Variants in OR5AU1 observed in about 807,000 individuals in gnomAD.
OR5AU1 encodes the protein olfactory receptor 5AU1.
For synonymous variants in OR5AU1, 169 were observed against 152.0 expected, an observed-to-expected ratio of 1.11 and a Z score of -0.82; for missense variants, 415 against 374.2, an observed-to-expected ratio of 1.11 and a Z score of -0.90.
chr14:21,155,171 C>T lies in OR5AU1; in HGVS notation c.702G>A (p.Arg234=). Residue 234 remains arginine (R), a synonymous_variant, in exon 1 of 1, where the codon AGG becomes AGA. Transcript: ENST00000304418. ...TILKMSSAQG[R]FKAFSTCASH... ...ATGCACAGGTGGAAAATGCCTTAAA[C>T]CTGCCCTGGGCCGAGCTCATTTTCA... 6.2e-7 allele frequency: 1 copy of T among 1,614,104 alleles called. No homozygotes were observed. The highest frequency in any genetic ancestry group is 8.5e-7 in the Non-Finnish European group (1 of 1,180,006).
Position 21,156,047 on chromosome 14 carries a change from G to T in OR5AU1, c.-175C>A, listed in dbSNP as rs1300277057. 2 of 1,590,670 alleles carry T rather than the reference G, an allele frequency of 1.3e-6. No homozygotes were observed. ...TCATAGAGAGGATCTTTTCTCCTTGGTTGGTTGGTTAGTTGGTAAGCATTA... is the reference window on the plus strand; with the variant it reads ...TCATAGAGAGGATCTTTTCTCCTTGTTTGGTTGGTTAGTTGGTAAGCATTA... On this transcript the variant is annotated 5_prime_UTR_variant, in exon 1 of 1. Coordinates refer to ENST00000304418, the MANE Select transcript of OR5AU1 (RefSeq NM_001004731.3).
In OR5AU1 at chr14:21,155,608, T is replaced by C. The variant is rs1890564165; in HGVS notation, c.265A>G (p.Arg89Gly). The change falls in exon 1 of 1, where the codon AGG becomes GGG. Residue 89 changes from arginine to glycine, a missense_variant. Physicochemically the swap from Arg to Gly is moderately radical, Grantham distance 125. Coordinates refer to ENST00000304418, the MANE Select transcript of OR5AU1 (RefSeq NM_001004731.3). ...CAGCCAAAATAAGAGATCACTTTCCTCTTGGCCAAGAAGTTCACCAGGGTC... is the reference window on the plus strand; with the variant it reads ...CAGCCAAAATAAGAGATCACTTTCCCCTTGGCCAAGAAGTTCACCAGGGTC... ...PQTLVNFLAK[R>G]KVISYFGCMT... The C allele has an allele frequency of 6.2e-7, 1 of 1,614,174 alleles. No homozygotes were observed. Among genetic ancestry groups the C allele is most frequent in the South Asian group, 1.1e-5 (1 of 91,080 alleles).
rs1890575225 is a variant in OR5AU1, at chr14:21,156,012, T to G, written c.-140A>C. ...TATTGAGGGCATTTGGCTTTGCAGA[T>G]GAAACTCTGTCATAGAGAGGATCTT... On this transcript the variant is annotated 5_prime_UTR_variant, in exon 1 of 1. Coordinates refer to ENST00000304418, the MANE Select transcript of OR5AU1 (RefSeq NM_001004731.3). The G allele has an allele frequency of 6.2e-7, 1 of 1,613,438 alleles. No individual in the cohort carries two copies. Among genetic ancestry groups the G allele is most frequent in the East Asian group, 2.2e-5 (1 of 44,854 alleles).
rs45468597 is a variant in OR5AU1, at chr14:21,154,894, G to C, written c.*43C>G. The C allele has an allele frequency of 6.4e-7, 1 of 1,563,838 alleles. No individual in the cohort carries two copies. Among genetic ancestry groups the C allele is most frequent in the Non-Finnish European group, 8.7e-7 (1 of 1,150,054 alleles). ...CAGGGTGACACCACCTAAGGTAAAA[G>C]TTCCCTTGACTTTCTAAAGATATGT... is the stretch of plus-strand genomic sequence containing the variant. On this transcript the variant is annotated 3_prime_UTR_variant, in exon 1 of 1. Transcript: ENST00000304418.
In OR5AU1 at chr14:21,156,051, G is replaced by A; in HGVS notation, c.-179C>T. ...AGAGAGGATCTTTTCTCCTTGGTTG[G>A]TTGGTTAGTTGGTAAGCATTACTTA... On this transcript the variant is annotated 5_prime_UTR_variant, in exon 1 of 1. Transcript: ENST00000304418. 1 of 1,587,158 alleles carries A rather than the reference G, an allele frequency of 6.3e-7. No homozygotes were observed. Among genetic ancestry groups the A allele is most frequent in the Non-Finnish European group, 8.6e-7 (1 of 1,163,982 alleles).
Position 21,155,555 on chromosome 14 carries a change from A to G in OR5AU1, c.318T>C (p.Gly106=), listed in dbSNP as rs762171904. 2.9e-5 allele frequency: 47 copies of G among 1,613,976 alleles called. No individual in the cohort carries two copies. The highest frequency in any genetic ancestry group is 4.0e-5 in the Non-Finnish European group (47 of 1,180,026). The change falls in exon 1 of 1, where the codon GGT becomes GGC. Residue 106 remains glycine, a synonymous_variant. Coordinates refer to ENST00000304418, the MANE Select transcript of OR5AU1 (RefSeq NM_001004731.3). ...GCMTQMFFYA[G]FATSECYLIA... is the part of the protein sequence containing the mutation. ...TGAGATAGCACTCACTGGTGGCAAAACCCGCATAGAAGAACATCTGAGTCA... is the reference window on the plus strand; with the variant it reads ...TGAGATAGCACTCACTGGTGGCAAAGCCCGCATAGAAGAACATCTGAGTCA...
Position 21,155,256 on chromosome 14 carries a change from T to C in OR5AU1, c.617A>G (p.Asn206Ser), listed in dbSNP as rs774122633. The C allele has an allele frequency of 6.2e-6, 10 of 1,613,818 alleles. No homozygotes were observed. Among genetic ancestry groups the C allele is most frequent in the Admixed American group, 1.7e-5 (1 of 59,964 alleles). Residue 206 changes from asparagine (N) to serine (S), a missense_variant, in exon 1 of 1, where the codon AAC becomes AGC. Physicochemically the swap from Asn to Ser is conservative, Grantham distance 46. Coordinates refer to ENST00000304418, the MANE Select transcript of OR5AU1 (RefSeq NM_001004731.3). ...EILLFIFAGF[N>S]LLSCTLTILI... ...GATGGTGAGGGTGCAGCTCAAAAGG[T>C]TGAAACCAGCAAAAATGAAGAGCAG...
rs142653613 is a variant in OR5AU1 at position 21,155,539 on chromosome 14, A to G, written c.334T>C (p.Cys112Arg). The G allele has an allele frequency of 5.0e-6, 8 of 1,614,178 alleles. No individual in the cohort carries two copies. In the East Asian group the frequency reaches 6.7e-5, roughly 13 times the overall value. The part of the protein sequence containing the change: ...FFYAGFATSE[C>R]YLIAAMAYDR... ...TAGGCCATGGCAGCGATGAGATAGC[A>G]CTCACTGGTGGCAAAACCCGCATAG... Residue 112 changes from cysteine (C) to arginine (R), a missense_variant, in exon 1 of 1, where the codon TGC (cysteine) becomes CGC (arginine). Coordinates refer to ENST00000304418, the MANE Select transcript of OR5AU1 (RefSeq NM_001004731.3).
In OR5AU1 at chr14:21,155,462, A is replaced by T. The variant is rs754028094; in HGVS notation, c.411T>A (p.Ser137=). ...CNPLLYSTIM[S]PEVCASLIVG... The stretch of plus-strand genomic sequence containing the variant: ...CAATCAGCGAGGCACAGACCTCAGG[A>T]GACATGATGGTTGAGTAGAGCAGGG... The change falls in exon 1 of 1, where the codon TCT becomes TCA. Residue 137 remains serine (S), a synonymous_variant. Coordinates refer to ENST00000304418, the MANE Select transcript of OR5AU1 (RefSeq NM_001004731.3). 6 of 1,614,132 alleles carry T rather than the reference A, an allele frequency of 3.7e-6. No homozygotes were observed. In the Admixed American group the frequency reaches 5.0e-5, roughly 13 times the overall value.
chr14:21,155,737 A>T lies in OR5AU1; in HGVS notation c.136T>A (p.Phe46Ile). ...TATLLGNLVM[F>I]LLIHVSATLH... ...GTGGCACTCACATGGATCAGGAGGAACATGACCAGGTTCCCCAGCAGAGTG... is the reference window on the plus strand; with the variant it reads ...GTGGCACTCACATGGATCAGGAGGATCATGACCAGGTTCCCCAGCAGAGTG... Residue 46 changes from phenylalanine to isoleucine, a missense_variant, in exon 1 of 1, where the codon TTC becomes ATC. Transcript: ENST00000304418. 6.2e-7 allele frequency: 1 copy of T among 1,614,142 alleles called. No homozygotes were observed. The highest frequency in any genetic ancestry group is 8.5e-7 in the Non-Finnish European group (1 of 1,180,002).
In OR5AU1 at chr14:21,155,526, G is replaced by A. The variant is rs1890562235; in HGVS notation, c.347C>T (p.Ala116Val). 6.2e-7 allele frequency: 1 copy of A among 1,614,206 alleles called. No individual in the cohort carries two copies. Among genetic ancestry groups the A allele is most frequent in the Admixed American group, 1.7e-5 (1 of 60,016 alleles). The change falls in exon 1 of 1, where the codon GCT becomes GTT. Residue 116 changes from alanine to valine, a missense_variant. Physicochemically the swap from Ala to Val is moderately conservative, Grantham distance 64. Coordinates refer to ENST00000304418, the MANE Select transcript of OR5AU1 (RefSeq NM_001004731.3). Reference protein sequence around the residue: ...GFATSECYLIAAMAYDRYAAI... With the variant: ...GFATSECYLIVAMAYDRYAAI... ...GGCATAGCGGTCATAGGCCATGGCA[G>A]CGATGAGATAGCACTCACTGGTGGC...
Position 21,155,147 on chromosome 14 carries a change from T to G in OR5AU1, c.726A>C (p.Ala242=), listed in dbSNP as rs1810955475. Residue 242 remains alanine (A), a synonymous_variant, in exon 1 of 1, where the codon GCA becomes GCC. Transcript: ENST00000304418. Reference sequence around the variant, plus strand: ...AGAGGCAGATGGCAGTGAGGTGGGATGCACAGGTGGAAAATGCCTTAAACC... The same window carrying G: ...AGAGGCAGATGGCAGTGAGGTGGGAGGCACAGGTGGAAAATGCCTTAAACC... The part of the protein sequence containing the change: ...QGRFKAFSTC[A]SHLTAICLFF... 6.2e-7 allele frequency: 1 copy of G among 1,613,870 alleles called. No individual in the cohort carries two copies. Among genetic ancestry groups the G allele is most frequent in the Non-Finnish European group, 8.5e-7 (1 of 1,179,996 alleles).
Position 21,155,439 on chromosome 14 carries a change from A to G in OR5AU1, c.434T>C (p.Ile145Thr), listed in dbSNP as rs762440557. The change falls in exon 1 of 1, where the codon ATT (isoleucine) becomes ACT (threonine). Residue 145 changes from isoleucine (I) to threonine (T), a missense_variant. Ile to Thr is a moderately conservative substitution (Grantham distance 89, BLOSUM62 -1). Transcript: ENST00000304418. The part of the protein sequence containing the change: ...IMSPEVCASL[I>T]VGSYSAGFLN... ...GAATCCTGCACTGTAGGAGCCCACAATCAGCGAGGCACAGACCTCAGGAGA... is the reference window on the plus strand; with the variant it reads ...GAATCCTGCACTGTAGGAGCCCACAGTCAGCGAGGCACAGACCTCAGGAGA... 1.2e-6 allele frequency: 2 copies of G among 1,614,150 alleles called. No individual in the cohort carries two copies. The highest frequency in any genetic ancestry group is 1.3e-5 in the African/African-American group (1 of 75,068).
chr14:21,155,785 C>T lies in OR5AU1; in HGVS notation c.88G>A (p.Val30Met), dbSNP rs1890568794. The T allele has an allele frequency of 6.2e-7, 1 of 1,614,100 alleles. No homozygotes were observed. Among genetic ancestry groups the T allele is most frequent in the Non-Finnish European group, 8.5e-7 (1 of 1,180,000 alleles). The change falls in exon 1 of 1, where the codon GTG becomes ATG. Residue 30 changes from valine to methionine, a missense_variant. Coordinates refer to ENST00000304418, the MANE Select transcript of OR5AU1 (RefSeq NM_001004731.3). The part of the protein sequence containing the change: ...DPQLQRLLFV[V>M]FLGMYTATLL... ...GTGGCTGTGTACATGCCCAGGAACA[C>T]CACGAAGAGCAGCCTCTGGAGCTGG...
chr14:21,155,109 G>C lies in OR5AU1; in HGVS notation c.764C>G (p.Thr255Arg). 1 of 1,614,166 alleles carries C rather than the reference G, an allele frequency of 6.2e-7. No individual in the cohort carries two copies. Among genetic ancestry groups the C allele is most frequent in the South Asian group, 1.1e-5 (1 of 91,076 alleles). Residue 255 changes from threonine (T) to arginine (R), a missense_variant, in exon 1 of 1, where the codon ACA becomes AGA. Transcript: ENST00000304418. ...LTAICLFFGT[T>R]LFMYLRPRSS... The stretch of plus-strand genomic sequence containing the variant: ...CCTGGGGCGCAGGTACATAAAAAGT[G>C]TTGTGCCAAAGAAGAGGCAGATGGC...
In OR5AU1 at chr14:21,154,865, T is replaced by A; in HGVS notation, c.*72A>T. 6.9e-7 allele frequency: 1 copy of A among 1,443,590 alleles called. No individual in the cohort carries two copies. The highest frequency in any genetic ancestry group is 9.5e-7 in the Non-Finnish European group (1 of 1,056,006). The allele number at this position is 1,443,590 out of a possible 1,614,324, so 89.4% of individuals were successfully genotyped here. ...ATTCACAGGGGTGGGCATGGGAATGTGCTCAGGGTGACACCACCTAAGGTA... is the reference window on the plus strand; with the variant it reads ...ATTCACAGGGGTGGGCATGGGAATGAGCTCAGGGTGACACCACCTAAGGTA... On this transcript the variant is annotated 3_prime_UTR_variant, in exon 1 of 1. Transcript: ENST00000304418.
In OR5AU1 at chr14:21,156,043, C is replaced by CATGG; in HGVS notation, c.-172_-171insCCAT. 6.3e-7 allele frequency: 1 copy of CATGG among 1,594,008 alleles called. No individual in the cohort carries two copies. Among genetic ancestry groups the CATGG allele is most frequent in the African/African-American group, 1.3e-5 (1 of 74,352 alleles). On this transcript the variant is annotated 5_prime_UTR_variant, in exon 1 of 1. The change creates a new upstream start codon in the 5' untranslated region. Transcript: ENST00000304418. ...TCTGTCATAGAGAGGATCTTTTCTCCTTGGTTGGTTGGTTAGTTGGTAAGC... is the reference window on the plus strand; with the variant it reads ...TCTGTCATAGAGAGGATCTTTTCTCCATGGTTGGTTGGTTGGTTAGTTGGTAAGC...
At position 21,155,333 on chromosome 14, in the gene OR5AU1, A is replaced by C. The variant is rs540907621; in HGVS notation, c.540T>G (p.Asp180Glu). The change falls in exon 1 of 1, where the codon GAT (aspartate) becomes GAG (glutamate). Residue 180 changes from aspartate (D) to glutamate (E), a missense_variant. Transcript: ENST00000304418. ...AAGACAAGGACAGGATGGGTGGCCC[A>C]TCACAGAAGAAGTGAGTGACGACAT... ...GAHVVTHFFC[D>E]GPPILSLSCV... 8 of 1,613,264 alleles carry C rather than the reference A, an allele frequency of 5.0e-6. No homozygotes were observed. The African/African-American group carries it at 8.1e-5, about 16-fold the overall frequency.
chr14:21,155,462 A>G lies in OR5AU1; in HGVS notation c.411T>C (p.Ser137=), dbSNP rs754028094. Residue 137 remains serine, a synonymous_variant, in exon 1 of 1, where the codon TCT becomes TCC. Coordinates refer to ENST00000304418, the MANE Select transcript of OR5AU1 (RefSeq NM_001004731.3). ...CAATCAGCGAGGCACAGACCTCAGG[A>G]GACATGATGGTTGAGTAGAGCAGGG... ...CNPLLYSTIM[S]PEVCASLIVG... is the part of the protein sequence containing the mutation. 2 of 1,614,132 alleles carry G rather than the reference A, an allele frequency of 1.2e-6. No homozygotes were observed. Among genetic ancestry groups the G allele is most frequent in the Non-Finnish European group, 1.7e-6 (2 of 1,180,002 alleles).
Sources: gnomAD v4.1 joint callset for allele counts on GRCh38, gnomAD v4.1.1 for gene constraint, MANE v1.5 for transcripts, NCBI Gene and HGNC (gene_info 2026-07-23, HGNC 2026-07-21) for gene names.